The following APBB3 variants were observed in gnomAD, a reference collection of about 807,000 sequenced individuals.
APBB3 encodes the protein amyloid-beta A4 precursor protein-binding family B member 3.
A neutral mutation model predicts 61.5 loss-of-function variants in APBB3; 50 were observed. The ratio of observed to expected loss-of-function variants is 0.81; its 90% CI spans 0.65 to 1.03. APBB3 has a LOEUF of 1.03. Ranked by LOEUF, APBB3 falls within the 50% of genes least tolerant of loss-of-function variation. APBB3 has a pLI of 0.00. For synonymous variants in APBB3, 235 were observed against 233.0 expected, an observed-to-expected ratio of 1.01 and a Z score of -0.08; for missense variants, 550 against 637.4, an observed-to-expected ratio of 0.86 and a Z score of 1.48.
chr5:140,564,066 C>T lies in APBB3; in HGVS notation c.49+131G>A, dbSNP rs1040611755. 50 of 1,474,836 alleles carry T rather than the reference C, an allele frequency of 3.4e-5. No homozygotes were observed. The East Asian group carries it at 6.4e-4, about 19-fold the overall frequency. The allele number at this position is 1,474,836 out of a possible 1,614,324, so 91.4% of individuals were successfully genotyped here. Reference sequence around the variant, plus strand: ...ATCTTGAAGACATCACATGTAAAGACCGGGTTCATTCGCCCCCTGGTCCCT... The same window carrying T: ...ATCTTGAAGACATCACATGTAAAGATCGGGTTCATTCGCCCCCTGGTCCCT... On this transcript the variant is annotated intron_variant, in intron 1 of 12. Coordinates refer to ENST00000357560, the MANE Select transcript of APBB3 (RefSeq NM_133173.3). This position sits in a 1 kb window ranked among gnomAD's most constrained non-coding sequence, Gnocchi z 5.0.
rs763911931 is a variant in APBB3, at chr5:140,563,935, G to A, written c.50-20C>T. 6.2e-7 allele frequency: 1 copy of A among 1,610,442 alleles called. No individual in the cohort carries two copies. Among genetic ancestry groups the A allele is most frequent in the South Asian group, 1.1e-5 (1 of 90,968 alleles). ...AGTCATCTACAGGAACACCGGATTA[G>A]AGAGGAGGGAGCATATGATTTGTGA... On this transcript the variant is annotated intron_variant, in intron 1 of 12. Transcript: ENST00000357560.
rs1356844575 is a variant in APBB3, at chr5:140,558,403, G to A, written c.*182C>T. 1.1e-5 allele frequency: 8 copies of A among 738,656 alleles called. No individual in the cohort carries two copies. The highest frequency in any genetic ancestry group is 1.9e-5 in the Non-Finnish European group (8 of 418,622). 45.8% of individuals were successfully genotyped at this position (738,656 alleles called of 1,614,324 possible). A position where few individuals can be genotyped will look rare whatever the true frequency, so the allele number is the denominator to read the frequency against. On this transcript the variant is annotated 3_prime_UTR_variant, in exon 13 of 13. Transcript: ENST00000357560. ...AGGGGAGCCAGGGTCCTACGTTGTG[G>A]TGCAGTGCCTCCCAGTCATCCGTAT...
Position 140,561,658 on chromosome 5 carries a change from T to A in APBB3, c.676A>T (p.Lys226Ter). 6.2e-7 allele frequency: 1 copy of A among 1,614,200 alleles called. No homozygotes were observed. The highest frequency in any genetic ancestry group is 8.5e-7 in the Non-Finnish European group (1 of 1,180,030). ...VASDKDSCML[K>*]CHVFCCDVPA... ...ACATCACAGCAAAACACATGGCACT[T>A]GAGCATACAGCTATCTTTGTCACTT... The change falls in exon 8 of 13, where the codon AAG becomes TAG. Residue 226 changes from lysine (K) to a stop codon, truncating the protein, a stop_gained. Coordinates refer to ENST00000357560, the MANE Select transcript of APBB3 (RefSeq NM_133173.3). LOFTEE classifies it high-confidence loss of function.
rs567026684 is a variant in APBB3 at position 140,562,718 on chromosome 5, G to C, written c.296C>G (p.Ser99Cys). The change falls in exon 4 of 13, where the codon TCT becomes TGT. Residue 99 changes from serine (S) to cysteine (C), a missense_variant. By Grantham distance (112) the Ser-to-Cys change is moderately radical (BLOSUM62 -1). Around this residue, in one of 3 missense-constraint regions of APBB3, gnomAD observed 405 missense variants for 483.4 expected, o/e 0.84. Coordinates refer to ENST00000357560, the MANE Select transcript of APBB3 (RefSeq NM_133173.3). ...GGATTCCCCACCATACCAGGACAGA[G>C]AGTTACTGAAACAGAGCAGAGCTGT... ...SLESSLDRSN[S>C]LSWYGGESYI... 1 of 1,614,152 alleles carries C rather than the reference G, an allele frequency of 6.2e-7. No homozygotes were observed. The highest frequency in any genetic ancestry group is 1.3e-5 in the African/African-American group (1 of 75,070).
Position 140,563,915 on chromosome 5 carries a change from T to TA in APBB3, c.50-1_50insT (p.Asp17ValfsTer2), listed in dbSNP as rs1755090373. The TA allele has an allele frequency of 6.2e-7, 1 of 1,613,210 alleles. No homozygotes were observed. Among genetic ancestry groups the TA allele is most frequent in the Admixed American group, 1.7e-5 (1 of 59,950 alleles). On this transcript the variant is annotated frameshift_variant and splice_region_variant. Coordinates refer to ENST00000357560, the MANE Select transcript of APBB3 (RefSeq NM_133173.3). LOFTEE classifies it high-confidence loss of function. ...CAGACTGTGGTCCCCCCACAAGTCA[T>TA]CTACAGGAACACCGGATTAGAGAGG... is the stretch of plus-strand genomic sequence containing the variant.
intron 8 of APBB3, 36 bp downstream of exon 8, chr5:140,561,551 C>T (rs2127130595): frequency 5.6e-6 from 9 of 1,613,900 alleles, no homozygotes; most frequent in South Asian, 1.1e-5. Flanking sequence ...GACCCAACCC[C>T]TTACCCACAT....
intron 3 of APBB3, 177 bp downstream of exon 3, chr5:140,563,417 A>C: frequency 1.4e-6 from 1 of 699,446 alleles, no homozygotes; most frequent in Non-Finnish European, 2.5e-6. Flanking sequence ...GCTTAGAACA[A>C]GGGATAAAAC....
rs897822514 is a variant in APBB3 at position 140,563,633 on chromosome 5, C to T, written c.251G>A (p.Gly84Glu). ...EGIWGLRPPK[G>E]RSFSSLESSL... ...ACTCTCCAGGCTGGAGAAGGATCTCCCTTTGGGGGGCCGCAGTCCCCAGAT... is the reference window on the plus strand; with the variant it reads ...ACTCTCCAGGCTGGAGAAGGATCTCTCTTTGGGGGGCCGCAGTCCCCAGAT... Residue 84 changes from glycine to glutamate, a missense_variant, in exon 3 of 13, where the codon GGG (glycine) becomes GAG (glutamate). Gly to Glu is a moderately conservative substitution (Grantham distance 98). This residue lies in a region of APBB3 where 405 missense variants were observed against 483.4 expected (regional missense o/e 0.84). Transcript: ENST00000357560. 3.7e-6 allele frequency: 6 copies of T among 1,614,172 alleles called. No individual in the cohort carries two copies. In the East Asian group the frequency reaches 1.3e-4, roughly 36 times the overall value.
rs1353555554 is a variant in APBB3, at chr5:140,558,546, T to C, written c.*39A>G. The C allele has an allele frequency of 1.9e-6, 3 of 1,589,498 alleles. No individual in the cohort carries two copies. The highest frequency in any genetic ancestry group is 1.7e-5 in the Admixed American group (1 of 60,004). On this transcript the variant is annotated 3_prime_UTR_variant, in exon 13 of 13. Coordinates refer to ENST00000357560, the MANE Select transcript of APBB3 (RefSeq NM_133173.3). ...GAATAAAACGGTACAGAGTTAGGCA[T>C]GGACCCAGAGCCTACTTCCCCAGCC...
chr5:140,561,991 A>G (rs1306228517), intron 6 of APBB3, 109 bp downstream of exon 6: 7 of 1,612,138 alleles, frequency 4.3e-6, no homozygotes, highest in Non-Finnish European at 5.9e-6. Context: ...TCCACATCAG[A>G]GGATCTGTGT....
At position 140,560,227 on chromosome 5, in the gene APBB3, G is replaced by A. The variant is rs1314859828; in HGVS notation, c.1224+86C>T. On this transcript the variant is annotated intron_variant, in intron 12 of 12. Transcript: ENST00000357560. This position sits in a 1 kb window ranked among gnomAD's most constrained non-coding sequence, Gnocchi z 5.1. ...GAATCAGCCCAGGTTTGTGATCTCTGAAGAGGCTGCCGACCCGGAGCCCAA... is the reference window on the plus strand; with the variant it reads ...GAATCAGCCCAGGTTTGTGATCTCTAAAGAGGCTGCCGACCCGGAGCCCAA... 4.7e-6 allele frequency: 7 copies of A among 1,474,072 alleles called. No homozygotes were observed. The highest frequency in any genetic ancestry group is 6.5e-6 in the Non-Finnish European group (7 of 1,082,156). 91.3% of individuals were successfully genotyped at this position (1,474,072 alleles called of 1,614,324 possible).
At position 140,560,325 on chromosome 5, in the gene APBB3, CT is replaced by C; in HGVS notation, c.1211del (p.Gln404ArgfsTer75). 1 of 1,614,054 alleles carries C rather than the reference CT, an allele frequency of 6.2e-7. No individual in the cohort carries two copies. Among genetic ancestry groups the C allele is most frequent in the Non-Finnish European group, 8.5e-7 (1 of 1,179,934 alleles). ...ACCCATGACTCACCATACAGGCAGC[CT>C]GCACAGCTTCAGAGAGTCCCCCTGC... Reference protein sequence around the residue: ...PHAGGLSEAVQAACMVQYQKC... With the variant: ...PHAGGLSEAVXAACMVQYQKC... On this transcript the variant is annotated frameshift_variant, in exon 12 of 13. Coordinates refer to ENST00000357560, the MANE Select transcript of APBB3 (RefSeq NM_133173.3). LOFTEE classifies it high-confidence loss of function. The surrounding 1 kb of genome is among the most constrained non-coding windows in gnomAD (Gnocchi z 5.1).
chr5:140,559,101 AT>A (rs1754835479), intron 12 of APBB3, among the ~76,000 whole-genome samples: 1 of 152,224 alleles, frequency 6.6e-6, no homozygotes, highest in Non-Finnish European at 1.5e-5. Context: ...GGAAATTGAG[AT>A]TCAGAGAGTA....
At position 140,563,681 on chromosome 5, in the gene APBB3, G is replaced by C; in HGVS notation, c.214-11C>G. ...GATCCCCTCCGTTCCCTGTAGAGTG[G>C]GAGTTAGTCAGTTTAACAGCAGACC... On this transcript the variant is annotated splice_polypyrimidine_tract_variant and intron_variant, in intron 2 of 12. Coordinates refer to ENST00000357560, the MANE Select transcript of APBB3 (RefSeq NM_133173.3). The C allele has an allele frequency of 6.2e-7, 1 of 1,614,104 alleles. No individual in the cohort carries two copies.
chr5:140,563,083 A>C (rs781041960), intron 3 of APBB3, among the ~76,000 whole-genome samples: 5 of 152,288 alleles, frequency 3.3e-5, no homozygotes, highest in Non-Finnish European at 7.3e-5. Flanking sequence ...CATATCTACT[A>C]AAAATACAAA....
Position 140,563,834 on chromosome 5 carries a change from G to C in APBB3, c.131C>G (p.Thr44Ser). 2 of 1,614,188 alleles carry C rather than the reference G, an allele frequency of 1.2e-6. No individual in the cohort carries two copies. Among genetic ancestry groups the C allele is most frequent in the Non-Finnish European group, 1.7e-6 (2 of 1,180,034 alleles). The change falls in exon 2 of 13, where the codon ACT (threonine) becomes AGT (serine). Residue 44 changes from threonine to serine, a missense_variant. Coordinates refer to ENST00000357560, the MANE Select transcript of APBB3 (RefSeq NM_133173.3). ...GWRKIHDAAG[T>S]YYWHVPSGST... is the part of the protein sequence containing the mutation. ...ACCGCTGGGTACATGCCAGTAGTAA[G>C]TACCTGCAGCATCGTGGATCTTCCT...
rs1344002556 is a variant in APBB3 at position 140,564,086 on chromosome 5, G to A, written c.49+111C>T. ...AAAGACCGGGTTCATTCGCCCCCTG[G>A]TCCCTACACAGAGAGGTATCCCCCA... On this transcript the variant is annotated intron_variant, in intron 1 of 12. Transcript: ENST00000357560. This position sits in a 1 kb window ranked among gnomAD's most constrained non-coding sequence, Gnocchi z 5.0. The A allele has an allele frequency of 2.0e-6, 3 of 1,515,554 alleles. No homozygotes were observed. The African/African-American group carries it at 4.1e-5, about 21-fold the overall frequency. 93.9% of individuals were successfully genotyped at this position (1,515,554 alleles called of 1,614,324 possible). A position where few individuals can be genotyped will look rare whatever the true frequency, so the allele number is the denominator to read the frequency against.
rs1039185982 is a variant in APBB3 at position 140,560,669 on chromosome 5, A to T, written c.1002T>A (p.Ser334=). 100 of 1,614,068 alleles carry T rather than the reference A, an allele frequency of 6.2e-5. No individual in the cohort carries two copies. Among genetic ancestry groups the T allele is most frequent in the Non-Finnish European group, 7.9e-5 (93 of 1,180,026 alleles). ...NAWVPTMLSV[S]DSLMTAHPIQ... is the part of the protein sequence containing the mutation. ...TGGGGTGTGCAGTCATGAGAGAGTC[A>T]GACACACTGAGCATGGTGGGGACCC... The change falls in exon 11 of 13, where the codon TCT becomes TCA. Residue 334 remains serine, a synonymous_variant. Coordinates refer to ENST00000357560, the MANE Select transcript of APBB3 (RefSeq NM_133173.3). The surrounding 1 kb of genome is among the most constrained non-coding windows in gnomAD (Gnocchi z 5.1).
In APBB3 at chr5:140,564,266, A is replaced by C. The variant is rs1441575178; in HGVS notation, c.-21T>G. 1 of 1,606,656 alleles carries C rather than the reference A, an allele frequency of 6.2e-7. No homozygotes were observed. The highest frequency in any genetic ancestry group is 1.7e-5 in the Admixed American group (1 of 60,000). On this transcript the variant is annotated 5_prime_UTR_variant, in exon 1 of 13. Coordinates refer to ENST00000357560, the MANE Select transcript of APBB3 (RefSeq NM_133173.3). This position sits in a 1 kb window ranked among gnomAD's most constrained non-coding sequence, Gnocchi z 5.0. Reference sequence around the variant, plus strand: ...AGCATAACCCCGGCTGCTCCCCGCCAGCCTCTGCCGGCCCGCACTCTCAGC... The same window carrying C: ...AGCATAACCCCGGCTGCTCCCCGCCCGCCTCTGCCGGCCCGCACTCTCAGC...
Sources: gnomAD v4.1 joint callset for allele counts (sites outside exome capture counted in the v4.1 genomes callset) on GRCh38, gnomAD v4.1.1 for gene constraint, gnomAD v4.1.1 regional missense constraint, Gnocchi (gnomAD v3.1) non-coding constraint, MANE v1.5 for transcripts, NCBI Gene and HGNC (gene_info 2026-07-23, HGNC 2026-07-21) for gene names.